The following MYO7A variants were observed in gnomAD, a reference collection of about 807,000 sequenced individuals.
MYO7A encodes unconventional myosin-VIIa.
MYO7A carries 210 observed loss-of-function variants against 263.8 expected under a neutral mutation model. That is an observed-to-expected ratio of 0.80 (90% confidence interval 0.71 to 0.89). MYO7A has a LOEUF of 0.89. Ranked by LOEUF, MYO7A falls within the 40% of genes least tolerant of loss-of-function variation. The pLI is 0.00. For synonymous variants in MYO7A, 1,239 were observed against 1,197.3 expected (o/e 1.03, Z -0.72); for missense variants, 2,820 against 2,968.3 (o/e 0.95, Z 1.16).
At chr11:77,168,247 A>G (rs1259895241) in intron 15 of MYO7A, among the ~76,000 whole-genome samples, 1 of 152,104 alleles carries the variant, frequency 6.6e-6, no homozygotes, top group Non-Finnish European at 1.5e-5. Flanking sequence ...TACTCCTGGG[A>G]TTAGAACCCA....
intron 2 of MYO7A, among the ~76,000 whole-genome samples, chr11:77,139,183 GAC>G (rs1951055479): frequency 6.6e-6 from 1 of 152,242 alleles, no homozygotes; most frequent in Admixed American, 6.5e-5. Flanking sequence ...CACCCAGAGA[GAC>G]ACAGCGTTAG....
chr11:77,156,092 G>A lies in MYO7A; in HGVS notation c.470+1G>A, dbSNP rs797044510. ...GCCGAGACCAGTGCTGCATCATCAG[G>A]TGGGCGGCCCAGCACCTGTGTGGAG... is the stretch of plus-strand genomic sequence containing the variant. On this transcript the variant is annotated splice_donor_variant, in intron 5 of 48. Transcript: ENST00000409709. LOFTEE classifies it high-confidence loss of function. 4 of 1,613,444 alleles carry A rather than the reference G, an allele frequency of 2.5e-6. No homozygotes were observed. The African/African-American group carries it at 4.0e-5, about 16-fold the overall frequency.
At chr11:77,137,228 A>G (rs4357710) in intron 2 of MYO7A, among the ~76,000 whole-genome samples, 59,476 of 152,006 alleles carry the variant, frequency 0.39, 14,442 homozygotes, top group African/African-American at 0.67. Flanking sequence ...TTCGTGCTGG[A>G]CAGCAGAGCC....
At chr11:77,194,617 CG>C in intron 32 of MYO7A, 93 bp downstream of exon 32, 1 of 1,360,264 alleles carries the variant, frequency 7.4e-7, no homozygotes, top group African/African-American at 1.5e-5. Context: ...GTTGGGGCTG[CG>C]GGGGATGGGA....
In MYO7A at chr11:77,177,627, C is replaced by T. The variant is rs782174733; in HGVS notation, c.2266C>T (p.Arg756Trp). 14 of 1,610,062 alleles carry T rather than the reference C, an allele frequency of 8.7e-6. No homozygotes were observed. The East Asian group carries it at 1.1e-4, about 13-fold the overall frequency. The stretch of plus-strand genomic sequence containing the variant: ...AGTCATCCTCCTTCAGAAAGTCATC[C>T]GGGGATTCAAAGACAGGTGCGTGTT... ...DRVILLQKVI[R>W]GFKDRSNFLK... The change falls in exon 19 of 49, where the codon CGG (arginine) becomes TGG (tryptophan). Residue 756 changes from arginine to tryptophan, a missense_variant. Arg to Trp is a moderately radical substitution (Grantham distance 101). Transcript: ENST00000409709.
intron 19 of MYO7A, among the ~76,000 whole-genome samples, chr11:77,178,034 G>T (rs12577724): frequency 6.6e-6 from 1 of 151,554 alleles, no homozygotes; most frequent in East Asian, 2.0e-4. Context: ...ATGTGTACAC[G>T]TGACAATTCA....
At chr11:77,152,627 C>T (rs937588711) in intron 4 of MYO7A, among the ~76,000 whole-genome samples, 1 of 152,028 alleles carries the variant, frequency 6.6e-6, no homozygotes, top group Non-Finnish European at 1.5e-5. Flanking sequence ...CCCTGTACTT[C>T]CCCGCCCATT....
chr11:77,184,977 T>A (rs546010490), intron 27 of MYO7A: 3 of 674,774 alleles, frequency 4.4e-6, no homozygotes, highest in African/African-American at 3.6e-5. Flanking sequence ...AATATCACAA[T>A]AAAGAGAGCT....
At chr11:77,152,100 A>G (rs1378919590) in intron 4 of MYO7A, among the ~76,000 whole-genome samples, 1 of 152,260 alleles carries the variant, frequency 6.6e-6, no homozygotes, top group Non-Finnish European at 1.5e-5. Context: ...CCTGAGCCCA[A>G]CAGGGCTTGC....
chr11:77,203,038 G>C, intron 37 of MYO7A, 22 bp from the exon 38 acceptor site: 1 of 1,545,300 alleles, frequency 6.5e-7, no homozygotes, highest in Non-Finnish European at 8.7e-7. Context: ...GGGCGTTGCT[G>C]ACGGTCCCTG....
intron 2 of MYO7A, among the ~76,000 whole-genome samples, chr11:77,140,806 C>G (rs868931241): frequency 5.3e-5 from 8 of 152,180 alleles, no homozygotes; most frequent in Non-Finnish European, 1.0e-4. Flanking sequence ...TCTTCCACGC[C>G]CAAGCCTCTC....
At chr11:77,206,754 T>C (rs1403825249) in intron 41 of MYO7A, among the ~76,000 whole-genome samples, 1 of 152,200 alleles carries the variant, frequency 6.6e-6, no homozygotes, top group Non-Finnish European at 1.5e-5. Flanking sequence ...AGATAAGCTT[T>C]TCATTTGAAG....
chr11:77,205,973 C>T (rs1040297453), intron 40 of MYO7A, 124 bp from the exon 41 acceptor site: 19 of 777,162 alleles, frequency 2.4e-5, no homozygotes, highest in South Asian at 8.1e-5. Flanking sequence ...ACTCAGTGGC[C>T]GGTCACATCA....
At chr11:77,205,398 G>T in intron 39 of MYO7A, 64 bp from the exon 40 acceptor site, 3 of 1,520,008 alleles carry the variant, frequency 2.0e-6, no homozygotes, top group East Asian at 2.5e-5. Context: ...TCACCCGGGG[G>T]TGCACAGGTC....
intron 32 of MYO7A, among the ~76,000 whole-genome samples, chr11:77,197,054 C>A (rs10899360): frequency 1.3e-5 from 2 of 151,922 alleles, no homozygotes; most frequent in African/African-American, 2.4e-5. Context: ...CACAGTCCCC[C>A]AGGACCTGGC....
intron 21 of MYO7A, 97 bp downstream of exon 21, chr11:77,180,050 G>C: frequency 7.9e-7 from 1 of 1,262,668 alleles, no homozygotes. Context: ...GGGACCTATA[G>C]GGGGGACCTG....
rs1351898528 is a variant in MYO7A, at chr11:77,203,130, C to T, written c.5239C>T (p.His1747Tyr). The change falls in exon 38 of 49, where the codon CAC (histidine) becomes TAC (tyrosine). Residue 1747 changes from histidine (H) to tyrosine (Y), a missense_variant. Coordinates refer to ENST00000409709, the MANE Select transcript of MYO7A (RefSeq NM_000260.4). The part of the protein sequence containing the change: ...KARGKDRLWS[H>Y]TREPLKQALL... ...CCGAGGCAAGGACCGGCTGTGGAGC[C>T]ACACGCGGGAACCGCTCAAGCAGGC... 2 of 1,550,290 alleles carry T rather than the reference C, an allele frequency of 1.3e-6. No individual in the cohort carries two copies. The highest frequency in any genetic ancestry group is 1.7e-6 in the Non-Finnish European group (2 of 1,147,708).
chr11:77,177,363 C>A (rs1323597723), intron 18 of MYO7A, among the ~76,000 whole-genome samples, 186 bp from the exon 19 acceptor site: 1 of 152,230 alleles, frequency 6.6e-6, no homozygotes, highest in Non-Finnish European at 1.5e-5. Context: ...GAAACAGCCA[C>A]AACCCCTGTC....
At chr11:77,151,851 C>G (rs1951996088) in intron 4 of MYO7A, among the ~76,000 whole-genome samples, 1 of 152,238 alleles carries the variant, frequency 6.6e-6, no homozygotes, top group African/African-American at 2.4e-5. Context: ...GCTGCTGGCT[C>G]TGTCAGTCCC....
Sources: gnomAD v4.1 joint callset for allele counts (sites outside exome capture counted in the v4.1 genomes callset) on GRCh38, gnomAD v4.1.1 for gene constraint, MANE v1.5 for transcripts, NCBI Gene and HGNC (gene_info 2026-07-23, HGNC 2026-07-21) for gene names.